Variants in LASP1 observed in about 807,000 individuals in gnomAD.
The protein encoded by LASP1 is LIM and SH3 protein 1.
LASP1 carries 10 observed loss-of-function variants against 38.6 expected under a neutral mutation model. The observed-to-expected ratio is 0.26, with a 90% CI of 0.16 to 0.44. LASP1 has a LOEUF of 0.44. Ranked by LOEUF, LASP1 falls within the 20% of genes least tolerant of loss-of-function variation. The pLI, the probability that LASP1 is intolerant of heterozygous loss-of-function variation, is 1.00. For synonymous variants in LASP1, 132 were observed against 140.8 expected (o/e 0.94, Z 0.44); for missense variants, 243 against 375.7 (o/e 0.65, Z 2.92).
At chr17:38,893,965 C>G (rs1357990582) in intron 3 of LASP1, among the ~76,000 whole-genome samples, 2 of 152,252 alleles carry the variant, frequency 1.3e-5, no homozygotes, top group African/African-American at 2.4e-5. Context: ...TGGGAAGCTG[C>G]CCAGGCTATT....
intron 4 of LASP1, among the ~76,000 whole-genome samples, chr17:38,902,547 C>T (rs193106199): frequency 6.6e-4 from 100 of 152,106 alleles, no homozygotes; most frequent in Middle Eastern, 3.4e-3. Flanking sequence ...TAAGTTGTCC[C>T]AACCTCCTGA....
intron 3 of LASP1, among the ~76,000 whole-genome samples, chr17:38,890,968 TA>T (rs1228431177): frequency 3.3e-5 from 5 of 152,102 alleles, no homozygotes; most frequent in Non-Finnish European, 7.4e-5. Context: ...GGGCACAGGA[TA>T]GGGGGCTGTT....
intron 5 of LASP1, 128 bp downstream of exon 5, chr17:38,914,603 C>T: frequency 8.2e-7 from 1 of 1,216,130 alleles, no homozygotes; most frequent in Non-Finnish European, 1.1e-6. Flanking sequence ...GCGATTATGC[C>T]TCTTGTGTGC....
At position 38,878,117 on chromosome 17, in the gene LASP1, C is replaced by T; in HGVS notation, c.101C>T (p.Thr34Ile). The T allele has an allele frequency of 6.2e-7, 1 of 1,614,014 alleles. No individual in the cohort carries two copies. The highest frequency in any genetic ancestry group is 8.5e-7 in the Non-Finnish European group (1 of 1,179,904). The change falls in exon 2 of 7, where the codon ACC becomes ATC. Residue 34 changes from threonine to isoleucine, a missense_variant. By Grantham distance (89) the Thr-to-Ile change is moderately conservative (BLOSUM62 -1). Around this residue, in one of 4 missense-constraint regions of LASP1, gnomAD observed 43 missense variants for 108.3 expected, o/e 0.40. Coordinates refer to ENST00000318008, the MANE Select transcript of LASP1 (RefSeq NM_006148.4). Reference sequence around the variant, plus strand: ...CATAAAGCATGCTTCCATTGCGAGACCTGCAAGATGACACTGAACATGAAG... The same window carrying T: ...CATAAAGCATGCTTCCATTGCGAGATCTGCAAGATGACACTGAACATGAAG... The part of the protein sequence containing the change: ...FWHKACFHCE[T>I]CKMTLNMKNY...
At position 38,900,362 on chromosome 17, in the gene LASP1, C is replaced by T. The variant is rs1449189790; in HGVS notation, c.357+1843C>T. Reference sequence around the variant, plus strand: ...ACCACTGCATTCCAGCCTGGGAAACCGAGTGAGACCCTGTTTCCAAAAAAA... The same window carrying T: ...ACCACTGCATTCCAGCCTGGGAAACTGAGTGAGACCCTGTTTCCAAAAAAA... On this transcript the variant is annotated intron_variant, in intron 4 of 6. Coordinates refer to ENST00000318008, the MANE Select transcript of LASP1 (RefSeq NM_006148.4). 4.2e-5 allele frequency among the ~76,000 whole-genome samples: 6 copies of T among 143,092 alleles called. No homozygotes were observed. The East Asian group carries it at 6.0e-4, about 14-fold the overall frequency. The allele number at this position is 143,092 out of a possible 152,430, so 93.9% of individuals were successfully genotyped here.
chr17:38,893,511 G>A (rs778363439), intron 3 of LASP1, among the ~76,000 whole-genome samples: 101 of 152,136 alleles, frequency 6.6e-4, no homozygotes, highest in Non-Finnish European at 1.1e-3. Flanking sequence ...CTAAGGGCAC[G>A]GCTCTGTTCC....
At chr17:38,886,689 CAG>C in intron 2 of LASP1, among the ~76,000 whole-genome samples, 1 of 151,968 alleles carries the variant, frequency 6.6e-6, no homozygotes, top group South Asian at 2.1e-4. Flanking sequence ...CAGAGGGACA[CAG>C]TGTGGGGTGC....
Position 38,883,771 on chromosome 17 carries a change from G to A in LASP1, c.164+5591G>A, listed in dbSNP as rs574473623. ...TTTTTTTTTTTTCTTTTCATTTTGT[G>A]TGCAATCTGATGGCTGGTAAGTTCT... On this transcript the variant is annotated intron_variant, in intron 2 of 6. Transcript: ENST00000318008. Among the ~76,000 whole-genome samples, 15 of 123,448 alleles carry A rather than the reference G, an allele frequency of 1.2e-4. No homozygotes were observed. In the South Asian group the frequency reaches 2.9e-3, roughly 24 times the overall value. 81.0% of individuals were successfully genotyped at this position (123,448 alleles called of 152,430 possible). A position where few individuals can be genotyped will look rare whatever the true frequency, so the allele number is the denominator to read the frequency against.
intron 4 of LASP1, among the ~76,000 whole-genome samples, chr17:38,911,538 C>T (rs974235141): frequency 6.6e-6 from 1 of 152,150 alleles, no homozygotes; most frequent in Non-Finnish European, 1.5e-5. Context: ...CCTTGTCTTC[C>T]CCCACCACCC....
At chr17:38,887,318 C>T (rs1370675321) in intron 2 of LASP1, among the ~76,000 whole-genome samples, 2 of 152,168 alleles carry the variant, frequency 1.3e-5, no homozygotes, top group Non-Finnish European at 1.5e-5. Flanking sequence ...GGAGGAGGGT[C>T]GTCTCGTCTC....
intron 2 of LASP1, among the ~76,000 whole-genome samples, chr17:38,885,313 G>C (rs1914086835): frequency 6.6e-6 from 1 of 152,152 alleles, no homozygotes; most frequent in Admixed American, 6.5e-5. Flanking sequence ...TGTGTGGTGG[G>C]TTTTGAGAGA....
intron 4 of LASP1, among the ~76,000 whole-genome samples, chr17:38,914,114 T>C (rs1315233181): frequency 6.6e-6 from 1 of 152,160 alleles, no homozygotes; most frequent in African/African-American, 2.4e-5. Context: ...TGAGGGAGAC[T>C]GGTGTCTCAT....
At chr17:38,895,211 A>G (rs914898011) in intron 3 of LASP1, among the ~76,000 whole-genome samples, 5 of 150,226 alleles carry the variant, frequency 3.3e-5, no homozygotes, top group East Asian at 2.0e-4. Flanking sequence ...ATGGGGTACT[A>G]TGTTCCCAGG....
At position 38,914,473 on chromosome 17, in the gene LASP1, CG is replaced by C; in HGVS notation, c.508+1del. ...QQPHHIPTSA[P>X]VYQQPQQQPV... is the part of the protein sequence containing the mutation. ...CCTCACCACATCCCGACCAGTGCCC[CG>C]GGTGAGTGCAGGTCCTGTTGGTGCA... On this transcript the variant is annotated frameshift_variant and splice_region_variant, in exon 5 of 7. Transcript: ENST00000318008. LOFTEE classifies it high-confidence loss of function. The C allele has an allele frequency of 6.3e-7, 1 of 1,598,376 alleles. No individual in the cohort carries two copies. The highest frequency in any genetic ancestry group is 8.5e-7 in the Non-Finnish European group (1 of 1,172,862).
chr17:38,877,684 C>T (rs1224050808), intron 1 of LASP1, among the ~76,000 whole-genome samples: 2 of 152,144 alleles, frequency 1.3e-5, no homozygotes, highest in Non-Finnish European at 2.9e-5. Flanking sequence ...GCTGCTCCTT[C>T]ATGTTCAGCG....
chr17:38,914,013 A>AG (rs563723876), intron 4 of LASP1, among the ~76,000 whole-genome samples: 119 of 152,064 alleles, frequency 7.8e-4, no homozygotes, highest in African/African-American at 2.7e-3. Context: ...AAAAAAAAAA[A>AG]AAAAGAAAAG....
chr17:38,910,747 G>A (rs1914915317), intron 4 of LASP1, among the ~76,000 whole-genome samples: 2 of 21,488 alleles, frequency 9.3e-5, no homozygotes, highest in African/African-American at 5.0e-4. Context: ...TTTTTAAACA[G>A]AGTCTCAGTC....
At chr17:38,873,263 G>A (rs1198895039) in intron 1 of LASP1, among the ~76,000 whole-genome samples, 1 of 152,126 alleles carries the variant, frequency 6.6e-6, no homozygotes, top group East Asian at 1.9e-4. Context: ...CCTCACAGCT[G>A]TGGTGCCCCG....
chr17:38,890,744 G>T (rs569456696), intron 3 of LASP1, among the ~76,000 whole-genome samples: 33 of 152,152 alleles, frequency 2.2e-4, no homozygotes, highest in African/African-American at 7.2e-4. Flanking sequence ...ATTTGAGCCC[G>T]CTCTGGGGCT....
Sources: gnomAD v4.1 joint callset for allele counts (sites outside exome capture counted in the v4.1 genomes callset) on GRCh38, gnomAD v4.1.1 for gene constraint, gnomAD v4.1.1 regional missense constraint, MANE v1.5 for transcripts, NCBI Gene and HGNC (gene_info 2026-07-23, HGNC 2026-07-21) for gene names.